The following AFG1L variants were observed in gnomAD, a reference collection of about 807,000 sequenced individuals.
AFG1L encodes AFG1-like ATPase.
AFG1L carries 53 observed loss-of-function variants against 62.2 expected under a neutral mutation model. The ratio of observed to expected loss-of-function variants is 0.85; its 90% confidence interval spans 0.68 to 1.07. AFG1L has a LOEUF of 1.07. AFG1L is among the 50% of genes least tolerant of loss of function. The probability of loss-of-function intolerance (pLI) is 0.00; values close to 1 mark genes in which losing one functional copy is unlikely to be tolerated. For missense variants in AFG1L, 555 were observed against 590.5 expected (o/e 0.94, Z 0.62); for synonymous variants, 228 against 210.3 (o/e 1.08, Z -0.73).
chr6:108,485,119 G>T (rs1260486540), intron 10 of AFG1L, among the ~76,000 whole-genome samples: 1 of 152,062 alleles, frequency 6.6e-6, no homozygotes, highest in African/African-American at 2.4e-5. Flanking sequence ...TCTGTAATAG[G>T]ACACATAGTG....
chr6:108,489,493 A>G (rs1773693417), intron 10 of AFG1L, among the ~76,000 whole-genome samples: 2 of 152,216 alleles, frequency 1.3e-5, no homozygotes, highest in African/African-American at 2.4e-5. Flanking sequence ...TCTCCACGAC[A>G]TACCATATAC....
intron 10 of AFG1L, among the ~76,000 whole-genome samples, chr6:108,496,532 G>A (rs1773981660): frequency 6.6e-6 from 1 of 152,152 alleles, no homozygotes; most frequent in African/African-American, 2.4e-5. Flanking sequence ...TATGCTTTGT[G>A]TTGAATATTT....
chr6:108,427,517 ATTT>A (rs34500468), intron 7 of AFG1L, among the ~76,000 whole-genome samples: 5,153 of 100,418 alleles, frequency 0.051, 159 homozygotes, highest in African/African-American at 0.16. Context: ...TCAAAATGGA[ATTT>A]TTTTTTTTTT....
In AFG1L at chr6:108,480,379, A is replaced by G. The variant is rs565578864; in HGVS notation, c.1062+3087A>G. On this transcript the variant is annotated intron_variant, in intron 10 of 12. Coordinates refer to ENST00000368977, the MANE Select transcript of AFG1L (RefSeq NM_145315.5). ...GAGAATTTGAAACACCAAGATGTTA[A>G]GTTACCTTCCCAAGGTCACAAAGCT... 2.6e-5 allele frequency among the ~76,000 whole-genome samples: 4 copies of G among 152,312 alleles called. 1 individual carries two copies. In the South Asian group the frequency reaches 8.3e-4, roughly 32 times the overall value.
At chr6:108,466,395 T>A (rs1315700606) in intron 8 of AFG1L, among the ~76,000 whole-genome samples, 1 of 152,176 alleles carries the variant, frequency 6.6e-6, no homozygotes, top group Non-Finnish European at 1.5e-5. Context: ...ACTACACAAA[T>A]GCTCATTGTT....
intron 6 of AFG1L, among the ~76,000 whole-genome samples, chr6:108,372,489 C>G (rs904466555): frequency 2.6e-5 from 4 of 151,962 alleles, no homozygotes; most frequent in African/African-American, 9.7e-5. Flanking sequence ...ACTACCATGC[C>G]TGGTGAATTT....
chr6:108,496,191 A>G (rs1291792059), intron 10 of AFG1L, among the ~76,000 whole-genome samples: 1 of 152,260 alleles, frequency 6.6e-6, no homozygotes, highest in African/African-American at 2.4e-5. Flanking sequence ...TGCAACTGCC[A>G]TAGATATACT....
intron 1 of AFG1L, among the ~76,000 whole-genome samples, chr6:108,320,478 T>TC (rs1183259926): frequency 6.6e-6 from 1 of 152,134 alleles, no homozygotes; most frequent in Non-Finnish European, 1.5e-5. Flanking sequence ...AGTCCTCTGT[T>TC]CCCCCTTATC....
chr6:108,374,080 C>T (rs545495928), intron 6 of AFG1L, among the ~76,000 whole-genome samples: 2 of 152,118 alleles, frequency 1.3e-5, no homozygotes, highest in African/African-American at 2.4e-5. Flanking sequence ...GTGTTTCTCT[C>T]GTGATTGGTG....
intron 1 of AFG1L, among the ~76,000 whole-genome samples, chr6:108,298,566 A>G (rs1202088759): frequency 6.6e-6 from 1 of 152,130 alleles, no homozygotes; most frequent in Non-Finnish European, 1.5e-5. Context: ...GTGGCTGGCC[A>G]GATTTTTTAT....
intron 5 of AFG1L, among the ~76,000 whole-genome samples, chr6:108,362,499 A>G (rs963916442): frequency 5.9e-5 from 9 of 152,240 alleles, no homozygotes; most frequent in Admixed American, 2.6e-4. Context: ...GTAGCTATAC[A>G]TTAATAATAC....
At chr6:108,399,320 T>TGAGGCA (rs1781459653) in intron 6 of AFG1L, among the ~76,000 whole-genome samples, 1 of 150,278 alleles carries the variant, frequency 6.7e-6, no homozygotes, top group Non-Finnish European at 1.5e-5. Flanking sequence ...CCTGAGTAGC[T>TGAGGCA]GGGACAACAG....
chr6:108,367,262 T>C (rs1303907652), intron 6 of AFG1L, among the ~76,000 whole-genome samples: 1 of 152,218 alleles, frequency 6.6e-6, no homozygotes, highest in Non-Finnish European at 1.5e-5. Context: ...TACACATAGA[T>C]GGTTCTCAGT....
intron 8 of AFG1L, among the ~76,000 whole-genome samples, chr6:108,449,607 T>C (rs563776502): frequency 2.0e-5 from 3 of 152,360 alleles, no homozygotes; most frequent in Non-Finnish European, 4.4e-5. Context: ...AAAACTTTTT[T>C]TTTATTATTA....
intron 10 of AFG1L, among the ~76,000 whole-genome samples, chr6:108,498,032 T>G (rs1774037339): frequency 6.6e-6 from 1 of 152,188 alleles, no homozygotes; most frequent in Non-Finnish European, 1.5e-5. Context: ...TTCTCATCTG[T>G]GTGGGGCCAG....
rs139831354 is a variant in AFG1L, at chr6:108,403,833, C to G, written c.807+1779C>G. 6.1e-3 allele frequency among the ~76,000 whole-genome samples: 925 copies of G among 150,696 alleles called. 10 individuals carry two copies. The highest frequency in any genetic ancestry group is 0.021 in the African/African-American group (863 of 41,042). On this transcript the variant is annotated intron_variant, in intron 7 of 12. Coordinates refer to ENST00000368977, the MANE Select transcript of AFG1L (RefSeq NM_145315.5). ...ATATTTTGTTGTTGTTTTCTTTGGCCAGTAATTAGTCATACTTCAATATAT... is the reference window on the plus strand; with the variant it reads ...ATATTTTGTTGTTGTTTTCTTTGGCGAGTAATTAGTCATACTTCAATATAT...
chr6:108,337,412 TG>T lies in AFG1L; in HGVS notation c.364-9575del, dbSNP rs540914531. Among the ~76,000 whole-genome samples the T allele has an allele frequency of 1.3e-3, 191 of 152,350 alleles. 1 individual carries two copies. The highest frequency in any genetic ancestry group is 4.5e-3 in the African/African-American group (188 of 41,590). Reference sequence around the variant, plus strand: ...GCAGTATATATTATGTTATATGCTCTGTGTGTTTTATTATTTGTGCTTTGTC... The same window carrying T: ...GCAGTATATATTATGTTATATGCTCTTGTGTTTTATTATTTGTGCTTTGTC... On this transcript the variant is annotated intron_variant, in intron 2 of 12. Coordinates refer to ENST00000368977, the MANE Select transcript of AFG1L (RefSeq NM_145315.5).
At chr6:108,453,308 A>T (rs67308073) in intron 8 of AFG1L, among the ~76,000 whole-genome samples, 55,085 of 151,740 alleles carry the variant, frequency 0.36, 10,468 homozygotes, top group Non-Finnish European at 0.44. Flanking sequence ...AATATAATGT[A>T]TTTACCCATC....
chr6:108,384,785 AAATAT>A (rs1193507303), intron 6 of AFG1L, among the ~76,000 whole-genome samples: 1 of 151,864 alleles, frequency 6.6e-6, no homozygotes. Flanking sequence ...TAGAACTATA[AAATAT>A]AATATCTTAT....
Sources: gnomAD v4.1 joint callset for allele counts (sites outside exome capture counted in the v4.1 genomes callset) on GRCh38, gnomAD v4.1.1 for gene constraint, MANE v1.5 for transcripts, NCBI Gene and HGNC (gene_info 2026-07-23, HGNC 2026-07-21) for gene names.